Variants in NODAL observed in about 807,000 individuals in gnomAD.
The protein encoded by NODAL is nodal homolog.
NODAL carries 12 observed loss-of-function variants against 34.0 expected under a neutral mutation model. The observed-to-expected ratio is 0.35, with a 90% confidence interval of 0.23 to 0.57. NODAL has a LOEUF of 0.57. NODAL is among the 20% of genes least tolerant of loss of function. The probability of loss-of-function intolerance (pLI) is 0.83; values close to 1 mark genes in which losing one functional copy is unlikely to be tolerated. For missense variants in NODAL, 390 were observed against 444.2 expected, an observed-to-expected ratio of 0.88 and a Z score of 1.10; for synonymous variants, 162 against 186.4, an observed-to-expected ratio of 0.87 and a Z score of 1.07.
chr10:70,435,430 C>A lies in NODAL; in HGVS notation c.747G>T (p.Lys249Asn). The A allele has an allele frequency of 6.2e-7, 1 of 1,614,200 alleles. No individual in the cohort carries two copies. Among genetic ancestry groups the A allele is most frequent in the South Asian group, 1.1e-5 (1 of 91,084 alleles). ...HLPDRSQLCR[K>N]VKFQVDFNLI... is the part of the protein sequence containing the mutation. ...GGTTGAAGTCCACCTGGAACTTGAC[C>A]TTCCGACACAGTTGACTTCTGTCTG... Residue 249 changes from lysine (K) to asparagine (N), a missense_variant, in exon 2 of 3, where the codon AAG (lysine) becomes AAT (asparagine). Coordinates refer to ENST00000287139, the MANE Select transcript of NODAL (RefSeq NM_018055.5).
chr10:70,441,911 C>T (rs548463877), upstream of NODAL, among the ~76,000 whole-genome samples: 1 of 152,114 alleles, frequency 6.6e-6, no homozygotes, highest in Admixed American at 6.5e-5. Flanking sequence ...CCTGGTTTGC[C>T]CGGTCTGGAC....
In NODAL at chr10:70,432,563, C is replaced by A; in HGVS notation, c.*373G>T. 2.9e-6 allele frequency: 1 copy of A among 344,560 alleles called. No individual in the cohort carries two copies. The highest frequency in any genetic ancestry group is 5.7e-6 in the Non-Finnish European group (1 of 176,600). 21.3% of individuals were successfully genotyped at this position (344,560 alleles called of 1,614,324 possible). ...GAAAGCTATAGGTGACTTCATCCCACCTCCAAAATACATGCACATATGTCT... is the reference window on the plus strand; with the variant it reads ...GAAAGCTATAGGTGACTTCATCCCAACTCCAAAATACATGCACATATGTCT... On this transcript the variant is annotated 3_prime_UTR_variant, in exon 3 of 3. Transcript: ENST00000287139.
At chr10:70,441,091 A>G (rs1175552226) in intron 1 of NODAL, among the ~76,000 whole-genome samples, 1 of 152,254 alleles carries the variant, frequency 6.6e-6, no homozygotes, top group Non-Finnish European at 1.5e-5. Flanking sequence ...TATTACACCT[A>G]TCCTACAGAT....
chr10:70,432,695 A>T lies in NODAL; in HGVS notation c.*241T>A, dbSNP rs1490044700. The T allele has an allele frequency of 3.6e-6, 2 of 557,906 alleles. No homozygotes were observed. The highest frequency in any genetic ancestry group is 6.4e-6 in the Non-Finnish European group (2 of 311,170). The allele number at this position is 557,906 out of a possible 1,614,324, so 34.6% of individuals were successfully genotyped here. ...CCACTGTCTTTTCAGTAAAGAGAAC[A>T]TCCAGCCAGCCCCCTGCACAGGCTT... is the stretch of plus-strand genomic sequence containing the variant. On this transcript the variant is annotated 3_prime_UTR_variant, in exon 3 of 3. Coordinates refer to ENST00000287139, the MANE Select transcript of NODAL (RefSeq NM_018055.5).
At chr10:70,436,849 T>C (rs988588723) in intron 1 of NODAL, among the ~76,000 whole-genome samples, 2 of 152,204 alleles carry the variant, frequency 1.3e-5, no homozygotes, top group Non-Finnish European at 1.5e-5. Flanking sequence ...TCCAGAAGGC[T>C]GAAAGTGGGA....
chr10:70,446,160 C>G (rs954273310), upstream of NODAL, among the ~76,000 whole-genome samples: 2 of 152,184 alleles, frequency 1.3e-5, no homozygotes, highest in South Asian at 2.1e-4. Flanking sequence ...TTCTCGTTTC[C>G]TCTGCCCAGA....
rs372511162 is a variant in NODAL at position 70,436,308 on chromosome 10, C to G, written c.194-325G>C. On this transcript the variant is annotated intron_variant, in intron 1 of 2. Transcript: ENST00000287139. Reference sequence around the variant, plus strand: ...AGTCCCCCTTCCAAGATAACTTGCACAGCCAGAGGACAGTCAGTAAAAATG... The same window carrying G: ...AGTCCCCCTTCCAAGATAACTTGCAGAGCCAGAGGACAGTCAGTAAAAATG... The G allele has an allele frequency of 9.4e-5, 38 of 404,656 alleles. No homozygotes were observed. In the East Asian group the frequency reaches 1.9e-3, roughly 20 times the overall value. 25.1% of individuals were successfully genotyped at this position (404,656 alleles called of 1,614,324 possible).
chr10:70,434,113 T>G (rs1361798429), intron 2 of NODAL, among the ~76,000 whole-genome samples: 3 of 152,196 alleles, frequency 2.0e-5, no homozygotes, highest in African/African-American at 7.2e-5. Flanking sequence ...AGGCTTGGCA[T>G]GGAGGATATA....
chr10:70,441,433 C>T, intron 1 of NODAL, 42 bp downstream of exon 1: 1 of 1,542,740 alleles, frequency 6.5e-7, no homozygotes. Context: ...GCGGAGGCGC[C>T]CCGGGGGTGC....
At chr10:70,441,350 G>C (rs1330912813) in intron 1 of NODAL, 125 bp downstream of exon 1, 1 of 1,058,616 alleles carries the variant, frequency 9.4e-7, no homozygotes, top group Non-Finnish European at 1.4e-6. Flanking sequence ...CGGGACGCCC[G>C]GGCGGCTGCA....
Position 70,435,656 on chromosome 10 carries a change from G to C in NODAL, c.521C>G (p.Ser174Cys). The C allele has an allele frequency of 6.2e-7, 1 of 1,614,064 alleles. No homozygotes were observed. The highest frequency in any genetic ancestry group is 8.5e-7 in the Non-Finnish European group (1 of 1,179,988). ...CGGCCAGCACTCTCCAGCTACCCTGGACATCTGCTTCTCCAGGGCCCCAGG... is the reference window on the plus strand; with the variant it reads ...CGGCCAGCACTCTCCAGCTACCCTGCACATCTGCTTCTCCAGGGCCCCAGG... ...KHPGALEKQM[S>C]RVAGECWPRP... The change falls in exon 2 of 3, where the codon TCC (serine) becomes TGC (cysteine). Residue 174 changes from serine to cysteine, a missense_variant. By Grantham distance (112) the Ser-to-Cys change is moderately radical. Coordinates refer to ENST00000287139, the MANE Select transcript of NODAL (RefSeq NM_018055.5).
rs886047101 is a variant in NODAL, at chr10:70,432,456, C to T, written c.*480G>A. The T allele has an allele frequency of 1.5e-4, 30 of 198,056 alleles. 1 individual carries two copies. The South Asian group carries it at 1.6e-3, about 11-fold the overall frequency. 12.3% of individuals were successfully genotyped at this position (198,056 alleles called of 1,614,324 possible). A position where few individuals can be genotyped will look rare whatever the true frequency, so the allele number is the denominator to read the frequency against. On this transcript the variant is annotated 3_prime_UTR_variant, in exon 3 of 3. Transcript: ENST00000287139. ...ACCCAGCCTGAGGCAATGAGATTGA[C>T]GGACTCTTTTTAATCTATACAGTGA...
chr10:70,435,393 C>T lies in NODAL; in HGVS notation c.784G>A (p.Gly262Ser). The change falls in exon 2 of 3, where the codon GGC becomes AGC. Residue 262 changes from glycine to serine, a missense_variant. By Grantham distance (56) the Gly-to-Ser change is moderately conservative (BLOSUM62 0). Transcript: ENST00000287139. ...FQVDFNLIGW[G>S]SWIIYPKQYN... ...TGCTTGGGGTAGATGATCCAGGAGC[C>T]CCATCCGATCAGGTTGAAGTCCACC... 1.2e-6 allele frequency: 2 copies of T among 1,614,170 alleles called. No homozygotes were observed.
upstream of NODAL, among the ~76,000 whole-genome samples, chr10:70,442,728 G>A (rs1237074743): frequency 1.3e-5 from 2 of 152,144 alleles, no homozygotes; most frequent in Non-Finnish European, 1.5e-5. Context: ...TAAGCGCCAG[G>A]CATAGTGCTA....
intron 1 of NODAL, chr10:70,436,343 G>T: frequency 2.9e-6 from 1 of 345,948 alleles, no homozygotes; most frequent in South Asian, 2.5e-5. Flanking sequence ...GTGATGAGTT[G>T]CATCTCCCCC....
intron 1 of NODAL, among the ~76,000 whole-genome samples, chr10:70,439,985 T>C (rs542863612): frequency 1.1e-4 from 16 of 152,280 alleles, no homozygotes; most frequent in Non-Finnish European, 1.6e-4. Flanking sequence ...GGCAGGAGAA[T>C]TCCTTGAACC....
chr10:70,438,263 C>T (rs980133210), intron 1 of NODAL, among the ~76,000 whole-genome samples: 2 of 152,140 alleles, frequency 1.3e-5, no homozygotes, highest in Non-Finnish European at 2.9e-5. Flanking sequence ...CATTGCACTC[C>T]AGCCTGGGTG....
In NODAL at chr10:70,432,771, A is replaced by C. The variant is rs1420930959; in HGVS notation, c.*165T>G. Reference sequence around the variant, plus strand: ...CTCTGTGCTTGGCCAGACTCCACTGAGCCCTTCATTTACAGAGTGGGCAGC... The same window carrying C: ...CTCTGTGCTTGGCCAGACTCCACTGCGCCCTTCATTTACAGAGTGGGCAGC... On this transcript the variant is annotated 3_prime_UTR_variant, in exon 3 of 3. Transcript: ENST00000287139. 5.3e-6 allele frequency: 4 copies of C among 755,396 alleles called. No individual in the cohort carries two copies. Among genetic ancestry groups the C allele is most frequent in the Non-Finnish European group, 9.1e-6 (4 of 438,848 alleles). 46.8% of individuals were successfully genotyped at this position (755,396 alleles called of 1,614,324 possible). A position where few individuals can be genotyped will look rare whatever the true frequency, so the allele number is the denominator to read the frequency against.
chr10:70,435,898 G>T lies in NODAL; in HGVS notation c.279C>A (p.Leu93=). 6.2e-7 allele frequency: 1 copy of T among 1,614,128 alleles called. No individual in the cohort carries two copies. Among genetic ancestry groups the T allele is most frequent in the Admixed American group, 1.7e-5 (1 of 60,016 alleles). Residue 93 remains leucine (L), a synonymous_variant, in exon 2 of 3, where the codon CTC becomes CTA. Coordinates refer to ENST00000287139, the MANE Select transcript of NODAL (RefSeq NM_018055.5). ...SQQEDLAWAE[L]RLQLSSPVDL... ...CCACAGGGCTGGACAGCTGCAGCCG[G>T]AGCTCAGCCCATGCCAGATCCTCTT... is the stretch of plus-strand genomic sequence containing the variant.
Sources: gnomAD v4.1 joint callset for allele counts (sites outside exome capture counted in the v4.1 genomes callset) on GRCh38, gnomAD v4.1.1 for gene constraint, MANE v1.5 for transcripts, NCBI Gene and HGNC (gene_info 2026-07-23, HGNC 2026-07-21) for gene names.